HSPA12A: variants seen among roughly 807,000 people sequenced by gnomAD.
The protein encoded by HSPA12A is heat shock protein family A (Hsp70) member 12A.
A neutral mutation model predicts 69.2 loss-of-function variants in HSPA12A; 28 were observed. The observed-to-expected ratio is 0.40, with a 90% CI of 0.30 to 0.55. HSPA12A has a LOEUF of 0.55. HSPA12A is among the 20% of genes least tolerant of loss of function. The pLI is 0.38. For missense variants in HSPA12A, 686 were observed against 900.7 expected (o/e 0.76, Z 3.05); for synonymous variants, 345 against 370.5 (o/e 0.93, Z 0.79).
chr10:116,791,733 G>C (rs1006444982), intron 2 of HSPA12A, among the ~76,000 whole-genome samples: 1 of 151,984 alleles, frequency 6.6e-6, no homozygotes, highest in Non-Finnish European at 1.5e-5. Flanking sequence ...AGAAAAGGTT[G>C]GCATCTCCTA....
At chr10:116,692,513 T>C (rs1245250193) in intron 5 of HSPA12A, 46 bp from the exon 6 acceptor site, 2 of 1,470,308 alleles carry the variant, frequency 1.4e-6, no homozygotes, top group Non-Finnish European at 1.9e-6. Flanking sequence ...GGCAGCTGGT[T>C]CCTGGAGCAG....
intron 2 of HSPA12A, among the ~76,000 whole-genome samples, chr10:116,794,860 A>G (rs1844783954): frequency 6.6e-6 from 1 of 152,214 alleles, no homozygotes; most frequent in Non-Finnish European, 1.5e-5. Context: ...CACATTTAGA[A>G]TTAAGAAATA....
rs1849990872 is a variant in HSPA12A, at chr10:116,698,733, T to C, written c.448A>G (p.Thr150Ala). 1.9e-6 allele frequency: 3 copies of C among 1,613,054 alleles called. No homozygotes were observed. The South Asian group carries it at 3.3e-5, about 18-fold the overall frequency. The change falls in exon 5 of 12, where the codon ACC becomes GCC. Residue 150 changes from threonine (T) to alanine (A), a missense_variant. Physicochemically the swap from Thr to Ala is moderately conservative, Grantham distance 58 (BLOSUM62 0). Coordinates refer to ENST00000369209, the MANE Select transcript of HSPA12A (RefSeq NM_025015.3). ...GCTGCCGTCAGGTCTGTATCCATGG[T>C]GAGGTCCTGGTAGGAGGAAGAGGAA... Reference protein sequence around the residue: ...KMKLHTTGDLTMDTDLTAANG... With the variant: ...KMKLHTTGDLAMDTDLTAANG...
At position 116,742,517 on chromosome 10, in the gene HSPA12A, T is replaced by G; in HGVS notation, c.-48A>C. On this transcript the variant is annotated 5_prime_UTR_variant, in exon 1 of 12. Coordinates refer to ENST00000369209, the MANE Select transcript of HSPA12A (RefSeq NM_025015.3). Reference sequence around the variant, plus strand: ...AGGGGAGCCTCCAGCGCAGCGCCCGTGCCCGTGCGGGTCTCTGTCCGCGTC... The same window carrying G: ...AGGGGAGCCTCCAGCGCAGCGCCCGGGCCCGTGCGGGTCTCTGTCCGCGTC... 1 of 1,230,268 alleles carries G rather than the reference T, an allele frequency of 8.1e-7. No homozygotes were observed. The highest frequency in any genetic ancestry group is 1.0e-6 in the Non-Finnish European group (1 of 985,386). The allele number at this position is 1,230,268 out of a possible 1,614,324, so 76.2% of individuals were successfully genotyped here. A position where few individuals can be genotyped will look rare whatever the true frequency, so the allele number is the denominator to read the frequency against.
chr10:116,755,609 CAAAAA>C lies in HSPA12A; in HGVS notation c.92-48329_92-48325del, dbSNP rs1204991661. ...CCTGGGTGAAAGAGTGAGACTGTCT[CAAAAA>C]AAAAAAAAAAAAAAAAAAGGTGGTG... is the stretch of plus-strand genomic sequence containing the variant. On this transcript the variant is annotated intron_variant, in intron 2 of 12. Transcript: ENST00000635765. Among the ~76,000 whole-genome samples, 9 of 46,032 alleles carry C rather than the reference CAAAAA, an allele frequency of 2.0e-4. No individual in the cohort carries two copies. The East Asian group carries it at 6.7e-3, about 34-fold the overall frequency. The allele number at this position is 46,032 out of a possible 152,430, so 30.2% of individuals were successfully genotyped here.
chr10:116,835,062 G>T (rs1022284491), intron 1 of HSPA12A: 1 of 1,186,428 alleles, frequency 8.4e-7, no homozygotes, highest in Non-Finnish European at 1.1e-6. Context: ...TGAAAATGTC[G>T]ATTTGTTTCC....
At chr10:116,798,565 G>C (rs1458960495) in intron 2 of HSPA12A, among the ~76,000 whole-genome samples, 1 of 152,154 alleles carries the variant, frequency 6.6e-6, no homozygotes, top group African/African-American at 2.4e-5. Context: ...GCCCCCAGGA[G>C]GAAGTAGAGG....
intron 2 of HSPA12A, chr10:116,834,904 T>A: frequency 8.6e-7 from 1 of 1,167,460 alleles, no homozygotes; most frequent in East Asian, 3.2e-5. Context: ...GATGCCAGTT[T>A]GATACTTACA....
At chr10:116,845,193 A>G (rs893575079) in intron 1 of HSPA12A, among the ~76,000 whole-genome samples, 1 of 152,174 alleles carries the variant, frequency 6.6e-6, no homozygotes, top group Non-Finnish European at 1.5e-5. Context: ...ATATGCATGA[A>G]ATTTCCATGA....
chr10:116,741,210 C>A (rs782600462), intron 1 of HSPA12A, among the ~76,000 whole-genome samples: 1 of 152,148 alleles, frequency 6.6e-6, no homozygotes, highest in Admixed American at 6.5e-5. Flanking sequence ...CCTCCCTGAT[C>A]CGCAGGAACA....
At chr10:116,698,380 C>A in intron 5 of HSPA12A, 1 of 363,198 alleles carries the variant, frequency 2.8e-6, no homozygotes. Flanking sequence ...AGGAGTGGAG[C>A]TGCTGGGTCC....
At chr10:116,816,912 G>A (rs1488983523) in intron 2 of HSPA12A, among the ~76,000 whole-genome samples, 1 of 152,164 alleles carries the variant, frequency 6.6e-6, no homozygotes, top group Non-Finnish European at 1.5e-5. Flanking sequence ...ATCAATCCTT[G>A]AGCTGTGTTA....
chr10:116,759,221 TAACTC>T (rs576470284), intron 2 of HSPA12A, among the ~76,000 whole-genome samples: 65 of 152,336 alleles, frequency 4.3e-4, no homozygotes, highest in African/African-American at 1.3e-3. Context: ...TCAAAAGTCC[TAACTC>T]AATAACAAGT....
In HSPA12A at chr10:116,795,605, G is replaced by C. The variant is rs191619413; in HGVS notation, c.91+39330C>G. On this transcript the variant is annotated intron_variant, in intron 2 of 12. Transcript: ENST00000635765. ...GGAGGCTGGGGCAGGAGAATTGCTT[G>C]AACTCGGGAGGCAGAGGTTGCAATG... Among the ~76,000 whole-genome samples the C allele has an allele frequency of 2.1e-3, 310 of 147,628 alleles. 5 individuals carry two copies. The highest frequency in any genetic ancestry group is 1.4e-3 in the Non-Finnish European group (93 of 67,550).
At chr10:116,684,029 G>A in intron 6 of HSPA12A, 67 bp from the exon 7 acceptor site, 2 of 1,374,544 alleles carry the variant, frequency 1.5e-6, no homozygotes, top group Non-Finnish European at 1.9e-6. Context: ...GGACACCCGT[G>A]CCTGGACTGA....
In HSPA12A at chr10:116,792,698, G is replaced by T. The variant is rs1409501123; in HGVS notation, c.91+42237C>A. Among the ~76,000 whole-genome samples the T allele has an allele frequency of 2.2e-4, 34 of 151,326 alleles. 1 individual carries two copies. The highest frequency in any genetic ancestry group is 2.2e-3 in the Admixed American group (34 of 15,172). The stretch of plus-strand genomic sequence containing the variant: ...GCTACTCAGGAGGCTGAGGTGGAAG[G>T]ATCGCTTGAACCCAGGAAGTCAAAG... On this transcript the variant is annotated intron_variant, in intron 2 of 12. Coordinates refer to the HSPA12A transcript ENST00000635765.
At chr10:116,800,970 C>T (rs1589714738) in intron 2 of HSPA12A, among the ~76,000 whole-genome samples, 3 of 152,348 alleles carry the variant, frequency 2.0e-5, no homozygotes, top group African/African-American at 7.2e-5. Context: ...TTGCTCAGAA[C>T]TCTGTCCGCC....
intron 5 of HSPA12A, among the ~76,000 whole-genome samples, chr10:116,695,463 C>A (rs1849859825): frequency 6.6e-6 from 1 of 151,996 alleles, no homozygotes; most frequent in East Asian, 1.9e-4. Context: ...GTGGGCGGAT[C>A]ATGAGGTCAG....
intron 1 of HSPA12A, among the ~76,000 whole-genome samples, chr10:116,708,593 A>G (rs782634303): frequency 1.3e-5 from 2 of 152,100 alleles, no homozygotes; most frequent in Admixed American, 6.6e-5. Flanking sequence ...TGAAGCCTCA[A>G]ATCTGCACAG....
Sources: allele counts gnomAD v4.1 joint callset (sites outside exome capture counted in the v4.1 genomes callset), GRCh38; gene constraint gnomAD v4.1.1; transcripts MANE v1.5; gene names NCBI Gene and HGNC (gene_info 2026-07-23, HGNC 2026-07-21).